Variants in SEMA3D observed in about 807,000 individuals in gnomAD.
SEMA3D encodes semaphorin 3D.
SEMA3D carries 84 observed loss-of-function variants against 100.1 expected under a neutral mutation model. That is an observed-to-expected ratio of 0.84 (90% CI 0.70 to 1.01). The LOEUF is 1.01. Ranked by LOEUF, SEMA3D falls within the 50% of genes least tolerant of loss-of-function variation. The pLI is 0.00. For missense variants in SEMA3D, 875 were observed against 934.1 expected (o/e 0.94, Z 0.82); for synonymous variants, 312 against 320.7 (o/e 0.97, Z 0.29).
the SEMA3D span, among the ~76,000 whole-genome samples, chr7:85,222,607 C>T: frequency 3.9e-5 from 6 of 151,994 alleles, no homozygotes; most frequent in African/African-American, 1.4e-4. Flanking sequence ...AAATATTAAC[C>T]TCCCCAACCT....
chr7:85,003,082 G>A (rs931944432), intron 18 of SEMA3D, among the ~76,000 whole-genome samples: 7 of 152,036 alleles, frequency 4.6e-5, no homozygotes, highest in Non-Finnish European at 7.4e-5. Context: ...GAAAACAAAT[G>A]TCTGCAAAAC....
At chr7:85,028,384 C>CAAAAAAAA (rs61589019) in intron 12 of SEMA3D, 1 of 173,768 alleles carries the variant, frequency 5.8e-6, no homozygotes, top group African/African-American at 3.7e-5. Flanking sequence ...ACAGTTTAGA[C>CAAAAAAAA]AAAAAAAAAA....
In SEMA3D at chr7:85,055,709, T is replaced by C. The variant is rs948416723; in HGVS notation, c.861+8A>G. Reference sequence around the variant, plus strand: ...ATGTTTTAAGTAAAATATATAAATATATCTTGCCTTACAAACTCTTCCAAC... The same window carrying C: ...ATGTTTTAAGTAAAATATATAAATACATCTTGCCTTACAAACTCTTCCAAC... On this transcript the variant is annotated splice_region_variant and intron_variant, in intron 9 of 18. Transcript: ENST00000284136. 1.3e-5 allele frequency: 14 copies of C among 1,071,800 alleles called. No individual in the cohort carries two copies. Among genetic ancestry groups the C allele is most frequent in the Non-Finnish European group, 1.7e-5 (13 of 764,020 alleles). The allele number at this position is 1,071,800 out of a possible 1,614,324, so 66.4% of individuals were successfully genotyped here.
chr7:85,195,348 T>C, the SEMA3D span, among the ~76,000 whole-genome samples: 1 of 152,140 alleles, frequency 6.6e-6, no homozygotes. Context: ...TGACCAAAGG[T>C]ACAGGATATT....
chr7:85,007,058 A>G, intron 17 of SEMA3D, 117 bp from the exon 18 acceptor site: 1 of 650,108 alleles, frequency 1.5e-6, no homozygotes, highest in Non-Finnish European at 2.4e-6. Flanking sequence ...TATTAAAGAG[A>G]AAGGAAATTC....
At chr7:85,038,048 G>T (rs2115963466) in intron 11 of SEMA3D, among the ~76,000 whole-genome samples, 1 of 147,024 alleles carries the variant, frequency 6.8e-6, no homozygotes, top group South Asian at 2.2e-4. Context: ...GCCTGTTGTG[G>T]GGTGGGGGGG....
At chr7:85,220,414 A>C in the SEMA3D span, among the ~76,000 whole-genome samples, 1 of 150,672 alleles carries the variant, frequency 6.6e-6, no homozygotes, top group Non-Finnish European at 1.5e-5. Context: ...CCCCAGGGGG[A>C]AACAAAAAAT....
the SEMA3D span, among the ~76,000 whole-genome samples, chr7:85,213,248 T>C: frequency 6.6e-6 from 1 of 151,914 alleles, no homozygotes; most frequent in Non-Finnish European, 1.5e-5. Context: ...ACACACAGAA[T>C]TAAAAATTGT....
the SEMA3D span, among the ~76,000 whole-genome samples, chr7:85,194,434 C>A: frequency 6.6e-6 from 1 of 152,004 alleles, no homozygotes; most frequent in Non-Finnish European, 1.5e-5. Context: ...TCGTCTAATC[C>A]ATTTTCTGTA....
intron 2 of SEMA3D, among the ~76,000 whole-genome samples, chr7:85,138,282 T>G (rs946131703): frequency 6.6e-6 from 1 of 152,014 alleles, no homozygotes; most frequent in Non-Finnish European, 1.5e-5. Context: ...TATTCTTTTT[T>G]AATTCATAAT....
chr7:85,143,244 T>C, intron 2 of SEMA3D: 1 of 612,954 alleles, frequency 1.6e-6, no homozygotes, highest in Non-Finnish European at 2.0e-6. Context: ...TAAATGTTAA[T>C]ACTTTTATTA....
chr7:85,213,753 C>T, the SEMA3D span, among the ~76,000 whole-genome samples: 4 of 152,086 alleles, frequency 2.6e-5, no homozygotes, highest in Admixed American at 2.6e-4. Flanking sequence ...GGTCTTTCAC[C>T]TCTGTGACCC....
chr7:85,198,833 C>CTT, the SEMA3D span, among the ~76,000 whole-genome samples: 36,302 of 131,416 alleles, frequency 0.28, 5,097 homozygotes, highest in South Asian at 0.4. Context: ...CTTTTTGCTC[C>CTT]TTTTTTTTTT....
rs751792862 is a variant in SEMA3D at position 85,065,458 on chromosome 7, G to C, written c.684C>G (p.Ile228Met). The change falls in exon 8 of 19, where the codon ATC (isoleucine) becomes ATG (methionine). Residue 228 changes from isoleucine to methionine, a missense_variant. Transcript: ENST00000284136. ...AGTAGTGCTCTGAAATGTCAGTTCT[G>C]ATGTAGTGGTGGTCATGAGTAGGCC... ...SLGPTHDHHY[I>M]RTDISEHYWL... 17 of 1,613,244 alleles carry C rather than the reference G, an allele frequency of 1.1e-5. No individual in the cohort carries two copies. Among genetic ancestry groups the C allele is most frequent in the Non-Finnish European group, 1.4e-5 (16 of 1,179,508 alleles).
At chr7:85,181,185 C>T (rs1304639315) in intron 1 of SEMA3D, among the ~76,000 whole-genome samples, 2 of 152,126 alleles carry the variant, frequency 1.3e-5, no homozygotes, top group East Asian at 3.8e-4. Flanking sequence ...AATGCTACCC[C>T]ACGCCAATCT....
intron 2 of SEMA3D, among the ~76,000 whole-genome samples, chr7:85,152,170 C>A (rs1310958201): frequency 6.6e-6 from 1 of 151,742 alleles, no homozygotes; most frequent in Non-Finnish European, 1.5e-5. Context: ...GTTCTTTAAT[C>A]TTTGGTTTTG....
chr7:85,144,501 A>G (rs905889470), intron 2 of SEMA3D: 1 of 978,370 alleles, frequency 1.0e-6, no homozygotes, highest in Non-Finnish European at 1.2e-6. Flanking sequence ...AGATTCTCAG[A>G]ATAGAGATAT....
chr7:85,143,237 A>G (rs1790107080), intron 2 of SEMA3D: 3 of 650,686 alleles, frequency 4.6e-6, no homozygotes, highest in Non-Finnish European at 5.7e-6. Flanking sequence ...ACTAAAGTAA[A>G]TGTTAATACT....
intron 2 of SEMA3D, among the ~76,000 whole-genome samples, chr7:85,137,992 T>C (rs2116452991): frequency 6.6e-6 from 1 of 152,288 alleles, no homozygotes; most frequent in African/African-American, 2.4e-5. Context: ...CAGTCAAATT[T>C]TCTTGCATAT....
Sources: allele counts gnomAD v4.1 joint callset (sites outside exome capture counted in the v4.1 genomes callset), GRCh38; gene constraint gnomAD v4.1.1; transcripts MANE v1.5; gene names NCBI Gene and HGNC (gene_info 2026-07-23, HGNC 2026-07-21).